Variants in CCDC171 observed in about 807,000 individuals in gnomAD.
CCDC171 encodes the protein coiled-coil domain-containing protein 171.
In CCDC171, 177 loss-of-function variants were observed where a neutral mutation model predicts 168.2. That is an observed-to-expected ratio of 1.05 (90% CI 0.93 to 1.19). The LOEUF is 1.19. Among genes scored for constraint, CCDC171 ranks in the 50% most tolerant of loss-of-function variants. The pLI is 0.00. For synonymous variants in CCDC171, 687 were observed against 540.8 expected, an observed-to-expected ratio of 1.27 and a Z score of -3.75; for missense variants, 1,991 against 1,539.0, an observed-to-expected ratio of 1.29 and a Z score of -4.91.
chr9:15,866,196 C>A (rs1015824872), intron 23 of CCDC171, among the ~76,000 whole-genome samples: 4 of 151,820 alleles, frequency 2.6e-5, no homozygotes, highest in African/African-American at 9.7e-5. Context: ...GAGTGGGGAG[C>A]AAACCAGGGT....
chr9:15,971,585 A>T (rs1831359152), intron 25 of CCDC171, 24 bp from the exon 26 acceptor site: 1 of 1,543,822 alleles, frequency 6.5e-7, no homozygotes, highest in African/African-American at 1.4e-5. Context: ...TATGTTTATT[A>T]TTTTTTTCTT....
chr9:15,901,810 C>T (rs974420568), intron 24 of CCDC171, among the ~76,000 whole-genome samples: 2 of 152,066 alleles, frequency 1.3e-5, no homozygotes, highest in South Asian at 2.1e-4. Flanking sequence ...CATTTATTTA[C>T]TTTTGTGTTT....
intron 7 of CCDC171, among the ~76,000 whole-genome samples, chr9:15,631,500 T>C (rs2045694157): frequency 6.6e-6 from 1 of 152,124 alleles, no homozygotes; most frequent in South Asian, 2.1e-4. Context: ...AATAGACCAA[T>C]AACAGGCTCT....
chr9:15,613,928 T>G (rs1000728533), intron 6 of CCDC171, among the ~76,000 whole-genome samples: 2 of 152,266 alleles, frequency 1.3e-5, no homozygotes, highest in African/African-American at 4.8e-5. Flanking sequence ...TTGTCATGTG[T>G]GGCCAATGAA....
intron 24 of CCDC171, among the ~76,000 whole-genome samples, chr9:15,912,399 G>A (rs895361048): frequency 2.0e-5 from 3 of 152,082 alleles, no homozygotes; most frequent in Non-Finnish European, 4.4e-5. Flanking sequence ...CATTGTTTTT[G>A]TATCCAGAGA....
chr9:15,559,251 G>A (rs529909968), intron 1 of CCDC171, among the ~76,000 whole-genome samples: 87 of 152,224 alleles, frequency 5.7e-4, no homozygotes, highest in African/African-American at 1.9e-3. Flanking sequence ...TGTTAGGTCT[G>A]CTTGGTGCAG....
chr9:15,651,978 G>A (rs2047562040), intron 7 of CCDC171, among the ~76,000 whole-genome samples: 1 of 152,082 alleles, frequency 6.6e-6, no homozygotes, highest in South Asian at 2.1e-4. Context: ...CATGATCTCA[G>A]CTCACTGAAG....
intron 6 of CCDC171, among the ~76,000 whole-genome samples, chr9:15,612,164 T>A (rs1006309412): frequency 6.6e-6 from 1 of 152,228 alleles, no homozygotes; most frequent in South Asian, 2.1e-4. Flanking sequence ...CTGCCTAGTT[T>A]ATGGTATATC....
chr9:15,606,888 A>G (rs1457198975), intron 6 of CCDC171, among the ~76,000 whole-genome samples: 1 of 152,202 alleles, frequency 6.6e-6, no homozygotes, highest in Non-Finnish European at 1.5e-5. Context: ...CAGTGTCCTT[A>G]ATATGATTTT....
chr9:15,678,136 C>A (rs1001965404), intron 9 of CCDC171, among the ~76,000 whole-genome samples: 46 of 151,206 alleles, frequency 3.0e-4, no homozygotes, highest in African/African-American at 1.0e-3. Context: ...GTCTTAAACT[C>A]CTGACTTCAA....
intron 3 of CCDC171, among the ~76,000 whole-genome samples, chr9:15,575,150 A>G (rs751726194): frequency 6.6e-4 from 99 of 149,050 alleles, no homozygotes; most frequent in Non-Finnish European, 1.1e-3. Flanking sequence ...GGAGAGTGAC[A>G]TAACTACTTT....
At chr9:15,605,449 G>A (rs1199124579) in intron 6 of CCDC171, among the ~76,000 whole-genome samples, 1 of 150,734 alleles carries the variant, frequency 6.6e-6, no homozygotes, top group African/African-American at 2.4e-5. Context: ...GGAGGCTGAG[G>A]CGGGCAGATC....
chr9:16,084,396 C>T, the CCDC171 span, among the ~76,000 whole-genome samples: 10 of 152,228 alleles, frequency 6.6e-5, no homozygotes, highest in East Asian at 5.8e-4. Flanking sequence ...CTTGGCATTC[C>T]GCACCTCTTC....
Position 15,599,445 on chromosome 9 carries a change from A to T in CCDC171, c.675+5273A>T, listed in dbSNP as rs1008370708. Among the ~76,000 whole-genome samples the T allele has an allele frequency of 5.3e-5, 8 of 152,182 alleles. No homozygotes were observed. The South Asian group carries it at 1.7e-3, about 32-fold the overall frequency. On this transcript the variant is annotated intron_variant, in intron 6 of 25. Coordinates refer to ENST00000380701, the MANE Select transcript of CCDC171 (RefSeq NM_173550.4). ...CTGGATATGAAATTCTGGGTTGAAAATTCTTTTCTTCAAGAATGTTGAATA... is the reference window on the plus strand; with the variant it reads ...CTGGATATGAAATTCTGGGTTGAAATTTCTTTTCTTCAAGAATGTTGAATA...
intron 24 of CCDC171, among the ~76,000 whole-genome samples, chr9:15,896,354 G>A (rs1219808294): frequency 6.6e-6 from 1 of 151,992 alleles, no homozygotes; most frequent in African/African-American, 2.4e-5. Flanking sequence ...CTGCAACTCT[G>A]CTGAATATGG....
At chr9:15,865,822 ATGT>A (rs1189988746) in intron 23 of CCDC171, among the ~76,000 whole-genome samples, 2 of 148,784 alleles carry the variant, frequency 1.3e-5, no homozygotes, top group Non-Finnish European at 3.0e-5. Flanking sequence ...CCTAACCCAC[ATGT>A]TGTTCAAAGT....
At chr9:16,059,396 C>T (rs1244366445) in intron 1 of CCDC171, among the ~76,000 whole-genome samples, 1 of 151,718 alleles carries the variant, frequency 6.6e-6, no homozygotes, top group Non-Finnish European at 1.5e-5. Flanking sequence ...GTCCGGTGTC[C>T]GGAGAGGACT....
Position 15,825,165 on chromosome 9 carries a change from A to G in CCDC171, c.3268-21537A>G, listed in dbSNP as rs1588704926. On this transcript the variant is annotated intron_variant, in intron 21 of 25. Coordinates refer to ENST00000380701, the MANE Select transcript of CCDC171 (RefSeq NM_173550.4). Reference sequence around the variant, plus strand: ...TTTTCTAGTTTACACTATTAGAAATAGAACCTATTAATTTGCCTTGTGTTT... The same window carrying G: ...TTTTCTAGTTTACACTATTAGAAATGGAACCTATTAATTTGCCTTGTGTTT... 3.3e-5 allele frequency among the ~76,000 whole-genome samples: 5 copies of G among 152,284 alleles called. No homozygotes were observed. In the South Asian group the frequency reaches 1.0e-3, roughly 32 times the overall value.
At chr9:15,843,030 T>C (rs562241977) in intron 21 of CCDC171, among the ~76,000 whole-genome samples, 2 of 152,130 alleles carry the variant, frequency 1.3e-5, no homozygotes, top group Non-Finnish European at 2.9e-5. Context: ...GTATCCATAC[T>C]TTTCCTGCCA....
Sources: allele counts gnomAD v4.1 joint callset (sites outside exome capture counted in the v4.1 genomes callset), GRCh38; gene constraint gnomAD v4.1.1; transcripts MANE v1.5; gene names NCBI Gene and HGNC (gene_info 2026-07-23, HGNC 2026-07-21).